The following TGS1 variants were observed in gnomAD, a reference collection of about 807,000 sequenced individuals.
TGS1 encodes trimethylguanosine synthase.
A neutral mutation model predicts 92.2 loss-of-function variants in TGS1; 69 were observed. That is an observed-to-expected ratio of 0.75 (90% CI 0.62 to 0.91). The LOEUF is 0.91. TGS1 is among the 40% of genes least tolerant of loss of function. The pLI is 0.00. For synonymous variants in TGS1, 345 were observed against 338.1 expected (o/e 1.02, Z -0.22); for missense variants, 1,062 against 1,001.2 (o/e 1.06, Z -0.82).
rs1195588211 is a variant in TGS1, at chr8:55,825,311, CTT to C, written c.*610_*611del. On this transcript the variant is annotated 3_prime_UTR_variant, in exon 13 of 13. Transcript: ENST00000260129. ...TTCTAGAACTTTCCTGTTTTCATGT[CTT>C]TGCTTCATCTGGAATTGGCTTAACA... The C allele has an allele frequency of 6.6e-6, 1 of 152,296 alleles. No individual in the cohort carries two copies. The highest frequency in any genetic ancestry group is 6.5e-5 in the Admixed American group (1 of 15,286). The allele number at this position is 152,296 out of a possible 1,614,324, so 9.4% of individuals were successfully genotyped here. A position where few individuals can be genotyped will look rare whatever the true frequency, so the allele number is the denominator to read the frequency against.
chr8:55,790,364 T>C, intron 5 of TGS1, 65 bp downstream of exon 5: 1 of 1,001,722 alleles, frequency 1.0e-6, no homozygotes, highest in Non-Finnish European at 1.6e-6. Flanking sequence ...CATAAGCCAG[T>C]GGTTATTAAA....
At chr8:55,817,855 C>G (rs1337255758) in intron 12 of TGS1, among the ~76,000 whole-genome samples, 1 of 152,186 alleles carries the variant, frequency 6.6e-6, no homozygotes, top group Non-Finnish European at 1.5e-5. Flanking sequence ...TGCATTCATC[C>G]TACTACACTA....
At chr8:55,823,880 C>T (rs933272907) in intron 12 of TGS1, among the ~76,000 whole-genome samples, 1 of 152,092 alleles carries the variant, frequency 6.6e-6, no homozygotes, top group Middle Eastern at 3.4e-3. Context: ...TTTGGGAGGC[C>T]GGGCCGAGCG....
chr8:55,820,081 T>C (rs1803591236), intron 12 of TGS1, among the ~76,000 whole-genome samples: 1 of 152,198 alleles, frequency 6.6e-6, no homozygotes, highest in African/African-American at 2.4e-5. Flanking sequence ...ATCTCTTCCA[T>C]GTAGTAATAG....
chr8:55,783,680 G>A (rs1811631386), intron 2 of TGS1, among the ~76,000 whole-genome samples: 2 of 152,098 alleles, frequency 1.3e-5, no homozygotes, highest in African/African-American at 4.8e-5. Context: ...TGTGTTCCTA[G>A]ACACAGAGAA....
intron 10 of TGS1, among the ~76,000 whole-genome samples, chr8:55,810,434 C>T (rs1286456520): frequency 6.6e-6 from 1 of 152,156 alleles, no homozygotes; most frequent in African/African-American, 2.4e-5. Context: ...TTTTGGTTTT[C>T]CTTAGAAGTT....
At chr8:55,823,379 T>C (rs1051967444) in intron 12 of TGS1, among the ~76,000 whole-genome samples, 11 of 152,196 alleles carry the variant, frequency 7.2e-5, no homozygotes, top group Admixed American at 7.2e-4. Flanking sequence ...CTAGCATCCT[T>C]TTGATGCTAA....
At chr8:55,811,149 A>T in intron 11 of TGS1, 52 bp downstream of exon 11, 2 of 695,214 alleles carry the variant, frequency 2.9e-6, no homozygotes, top group Non-Finnish European at 4.4e-6. Context: ...GTGGAGAGAA[A>T]GGAGCATGAG....
In TGS1 at chr8:55,799,046, G is replaced by C; in HGVS notation, c.1675G>C (p.Gly559Arg). The change falls in exon 8 of 13, where the codon GGT becomes CGT. Residue 559 changes from glycine (G) to arginine (R), a missense_variant. Transcript: ENST00000260129. ...GGAACAAGACATGTCTGTTAAAAAA[G>C]GTGATGACCTACTGGAGACTAATAA... ...SEEQDMSVKK[G>R]DDLLETNNPE... is the part of the protein sequence containing the mutation. 6.2e-7 allele frequency: 1 copy of C among 1,614,156 alleles called. No homozygotes were observed. The highest frequency in any genetic ancestry group is 1.1e-5 in the South Asian group (1 of 91,088).
At chr8:55,792,394 G>C (rs1436313441) in intron 5 of TGS1, among the ~76,000 whole-genome samples, 1 of 152,124 alleles carries the variant, frequency 6.6e-6, no homozygotes, top group Non-Finnish European at 1.5e-5. Context: ...AGCTTTTACT[G>C]ATGTTTTTCC....
intron 12 of TGS1, among the ~76,000 whole-genome samples, chr8:55,817,142 C>A (rs937524316): frequency 9.2e-5 from 14 of 152,198 alleles, no homozygotes; most frequent in African/African-American, 3.1e-4. Flanking sequence ...GGATTACAGG[C>A]ATGAGCCACC....
chr8:55,786,714 T>C lies in TGS1; in HGVS notation c.816T>C (p.Thr272=). The C allele has an allele frequency of 6.2e-7, 1 of 1,614,146 alleles. No individual in the cohort carries two copies. Among genetic ancestry groups the C allele is most frequent in the Non-Finnish European group, 8.5e-7 (1 of 1,180,028 alleles). Residue 272 remains threonine (T), a synonymous_variant, in exon 4 of 13, where the codon ACT becomes ACC. Transcript: ENST00000260129. ...CCTCGCAAAGCTGTGATACAGATAC[T>C]TACACATCTAAAACAGAAGCTGATG... The part of the protein sequence containing the change: ...FDASQSCDTD[T]YTSKTEADDK...
chr8:55,811,240 A>C (rs1403273692), intron 11 of TGS1, 143 bp downstream of exon 11: 1 of 691,514 alleles, frequency 1.4e-6, no homozygotes, highest in Non-Finnish European at 2.4e-6. Context: ...AGGCAGGTGG[A>C]TCACCTGAGG....
chr8:55,824,883 T>C lies in TGS1; in HGVS notation c.*180T>C. 3 of 638,764 alleles carry C rather than the reference T, an allele frequency of 4.7e-6. No individual in the cohort carries two copies. The highest frequency in any genetic ancestry group is 7.8e-6 in the Non-Finnish European group (3 of 386,858). 39.6% of individuals were successfully genotyped at this position (638,764 alleles called of 1,614,324 possible). ...ATTTTGAGATCTTTGAATAATTCCT[T>C]TAGAGGAATTATACAAAATTAATAT... On this transcript the variant is annotated 3_prime_UTR_variant, in exon 13 of 13. Transcript: ENST00000260129.
intron 2 of TGS1, among the ~76,000 whole-genome samples, chr8:55,784,679 C>A (rs1811659127): frequency 6.6e-6 from 1 of 152,204 alleles, no homozygotes; most frequent in African/African-American, 2.4e-5. Context: ...ATCCCGGAAC[C>A]TAAATCCCAG....
At chr8:55,806,034 G>A (rs184317281) in intron 10 of TGS1, among the ~76,000 whole-genome samples, 295 of 151,868 alleles carry the variant, frequency 1.9e-3, no homozygotes, top group Middle Eastern at 0.014. Flanking sequence ...GCTCTAGCTC[G>A]GGCAACAGAG....
intron 9 of TGS1, among the ~76,000 whole-genome samples, chr8:55,802,920 A>G (rs1812260344): frequency 6.6e-6 from 1 of 151,400 alleles, no homozygotes; most frequent in African/African-American, 2.4e-5. Context: ...TACAGTTTAT[A>G]CTCTAATTTC....
rs1056861815 is a variant in TGS1, at chr8:55,826,067, G to A, written c.*1364G>A. Among the ~76,000 whole-genome samples the A allele has an allele frequency of 1.3e-5, 2 of 151,942 alleles. No individual in the cohort carries two copies. The highest frequency in any genetic ancestry group is 2.4e-5 in the African/African-American group (1 of 41,332). On this transcript the variant is annotated 3_prime_UTR_variant, in exon 13 of 13. Coordinates refer to ENST00000260129, the MANE Select transcript of TGS1 (RefSeq NM_024831.8). ...GGGTTTCACCGTGTTAGCCAGGATG[G>A]TCTCGATCTCCTGACCTTGTGATCC...
At chr8:55,788,403 A>T (rs552424070) in intron 4 of TGS1, among the ~76,000 whole-genome samples, 1 of 150,362 alleles carries the variant, frequency 6.7e-6, no homozygotes, top group Non-Finnish European at 1.5e-5. Context: ...AGTGGAGCCT[A>T]CCTCAGTATA....
Sources: gnomAD v4.1 joint callset for allele counts (sites outside exome capture counted in the v4.1 genomes callset) on GRCh38, gnomAD v4.1.1 for gene constraint, MANE v1.5 for transcripts, NCBI Gene and HGNC (gene_info 2026-07-23, HGNC 2026-07-21) for gene names.